CNTN3: variants seen among roughly 807,000 people sequenced by gnomAD.
CNTN3 encodes the protein contactin 3, also known as contactin-3.
CNTN3 carries 60 observed loss-of-function variants against 119.1 expected under a neutral mutation model. The observed-to-expected ratio is 0.50, with a 90% confidence interval of 0.41 to 0.62. The LOEUF (loss-of-function observed/expected upper bound fraction) is 0.62, where lower values mean the gene tolerates loss of function less well. Ranked by LOEUF, CNTN3 falls within the 20% of genes least tolerant of loss-of-function variation. The probability of loss-of-function intolerance (pLI) is 0.00; values close to 1 mark genes in which losing one functional copy is unlikely to be tolerated. For missense variants in CNTN3, 1,101 were observed against 1,242.4 expected (o/e 0.89, Z 1.71); for synonymous variants, 450 against 438.7 (o/e 1.03, Z -0.32).
intron 5 of CNTN3, among the ~76,000 whole-genome samples, chr3:74,385,472 TTAAAG>T (rs1704724594): frequency 6.6e-6 from 1 of 152,232 alleles, no homozygotes; most frequent in Non-Finnish European, 1.5e-5. Flanking sequence ...TCTCTGATCG[TTAAAG>T]TAACCTGAAA....
chr3:74,553,747 A>T (rs943928417), intron 1 of CNTN3, among the ~76,000 whole-genome samples: 4 of 152,004 alleles, frequency 2.6e-5, no homozygotes, highest in African/African-American at 9.7e-5. Flanking sequence ...TCCTTTGCCC[A>T]TTTTTTGATG....
chr3:74,428,865 C>T (rs1219134203), intron 4 of CNTN3, among the ~76,000 whole-genome samples: 2 of 152,110 alleles, frequency 1.3e-5, no homozygotes, highest in Non-Finnish European at 2.9e-5. Context: ...TTGTACTGTA[C>T]ATTTTCTATG....
intron 1 of CNTN3, among the ~76,000 whole-genome samples, chr3:74,582,985 T>C (rs1043787522): frequency 2.0e-5 from 3 of 152,216 alleles, no homozygotes; most frequent in African/African-American, 7.2e-5. Flanking sequence ...ATGGAGAGGC[T>C]GACACCATGC....
intron 13 of CNTN3, among the ~76,000 whole-genome samples, chr3:74,306,547 C>T (rs1314005783): frequency 6.6e-6 from 1 of 152,128 alleles, no homozygotes; most frequent in East Asian, 1.9e-4. Context: ...AAATTCATAG[C>T]TTTATTTTCT....
chr3:74,516,887 A>G (rs1703459615), intron 2 of CNTN3, among the ~76,000 whole-genome samples: 1 of 152,074 alleles, frequency 6.6e-6, no homozygotes, highest in Admixed American at 6.6e-5. Context: ...ACATGTTAAT[A>G]TATATCCCTG....
At chr3:74,405,320 C>A (rs564718594) in intron 5 of CNTN3, among the ~76,000 whole-genome samples, 1 of 150,868 alleles carries the variant, frequency 6.6e-6, no homozygotes, top group South Asian at 2.1e-4. Context: ...CATATAGATA[C>A]ATTTGCAGAT....
Position 74,595,846 on chromosome 3 carries a change from T to C in CNTN3, c.-81+18545A>G, listed in dbSNP as rs1039157929. 5.0e-4 allele frequency among the ~76,000 whole-genome samples: 76 copies of C among 152,140 alleles called. 1 individual carries two copies. The highest frequency in any genetic ancestry group is 1.8e-4 in the Non-Finnish European group (12 of 67,958). On this transcript the variant is annotated intron_variant, in intron 1 of 22. Coordinates refer to ENST00000263665, the MANE Select transcript of CNTN3 (RefSeq NM_020872.3). Reference sequence around the variant, plus strand: ...TGTTGGAAGTTCTGGCCAGGGCAATTAGGCAGGAGAAGGAAATAAAGGGTA... The same window carrying C: ...TGTTGGAAGTTCTGGCCAGGGCAATCAGGCAGGAGAAGGAAATAAAGGGTA...
At chr3:74,452,028 G>C (rs1215346975) in intron 4 of CNTN3, among the ~76,000 whole-genome samples, 1 of 144,742 alleles carries the variant, frequency 6.9e-6, no homozygotes, top group Admixed American at 7.0e-5. Context: ...GAACTTTAAA[G>C]TAGTTTTTTC....
At chr3:74,491,707 G>T (rs1702967537) in intron 3 of CNTN3, among the ~76,000 whole-genome samples, 1 of 152,060 alleles carries the variant, frequency 6.6e-6, no homozygotes, top group South Asian at 2.1e-4. Context: ...GCACACTCAG[G>T]TCATAAATTT....
At chr3:74,272,327 G>T (rs1194089824) in intron 20 of CNTN3, among the ~76,000 whole-genome samples, 1 of 152,062 alleles carries the variant, frequency 6.6e-6, no homozygotes, top group African/African-American at 2.4e-5. Flanking sequence ...AGGCAAGTGG[G>T]GCAGATTTTC....
intron 17 of CNTN3, among the ~76,000 whole-genome samples, 189 bp downstream of exon 17, chr3:74,299,679 C>T (rs2106813791): frequency 6.6e-6 from 1 of 152,216 alleles, no homozygotes; most frequent in East Asian, 1.9e-4. Context: ...GCTACAACCA[C>T]CACCACCAGC....
intron 1 of CNTN3, among the ~76,000 whole-genome samples, chr3:74,576,680 T>C (rs748430576): frequency 1.3e-5 from 2 of 152,106 alleles, no homozygotes; most frequent in African/African-American, 2.4e-5. Context: ...GTTCAGATTG[T>C]AATTTTAAAT....
At chr3:74,470,959 C>T (rs1316521118) in intron 4 of CNTN3, among the ~76,000 whole-genome samples, 1 of 150,484 alleles carries the variant, frequency 6.6e-6, no homozygotes, top group African/African-American at 2.5e-5. Context: ...TCACTGCAAC[C>T]TCCGCCTCCC....
At chr3:74,391,872 G>T (rs1419835615) in intron 5 of CNTN3, among the ~76,000 whole-genome samples, 1 of 152,122 alleles carries the variant, frequency 6.6e-6, no homozygotes, top group Non-Finnish European at 1.5e-5. Flanking sequence ...TGGTCAGGCT[G>T]GTCTTGAACT....
intron 4 of CNTN3, among the ~76,000 whole-genome samples, chr3:74,426,505 A>G (rs1701697774): frequency 6.6e-6 from 1 of 152,232 alleles, no homozygotes; most frequent in South Asian, 2.1e-4. Flanking sequence ...ATCATATAGC[A>G]GTATATCAGA....
intron 1 of CNTN3, among the ~76,000 whole-genome samples, chr3:74,597,461 A>G (rs185822961): frequency 1.2e-3 from 185 of 152,142 alleles, no homozygotes; most frequent in South Asian, 2.5e-3. Context: ...GGAATTTACA[A>G]TTACTAAAAA....
intron 1 of CNTN3, among the ~76,000 whole-genome samples, chr3:74,570,473 G>A (rs1008691749): frequency 6.8e-6 from 1 of 146,334 alleles, no homozygotes; most frequent in African/African-American, 2.6e-5. Context: ...TAGAGAACTG[G>A]CTCTCTCGCA....
chr3:74,530,312 T>C (rs1005395974), intron 1 of CNTN3, among the ~76,000 whole-genome samples: 1 of 151,888 alleles, frequency 6.6e-6, no homozygotes, highest in Admixed American at 6.6e-5. Flanking sequence ...CAGAAAGAAG[T>C]GCAAACATTT....
chr3:74,600,916 C>T (rs1704899240), intron 1 of CNTN3, among the ~76,000 whole-genome samples: 1 of 151,998 alleles, frequency 6.6e-6, no homozygotes, highest in Non-Finnish European at 1.5e-5. Context: ...ATCATTCTAC[C>T]TCAGTTTCCT....
Sources: allele counts gnomAD v4.1 joint callset (sites outside exome capture counted in the v4.1 genomes callset), GRCh38; gene constraint gnomAD v4.1.1; transcripts MANE v1.5; gene names NCBI Gene and HGNC (gene_info 2026-07-23, HGNC 2026-07-21).